The following NECAP1 variants were observed in gnomAD, a reference collection of about 807,000 sequenced individuals.
The protein encoded by NECAP1 is adaptin ear-binding coat-associated protein 1.
Under a neutral mutation model 33.4 loss-of-function variants are expected in NECAP1, and 13 were observed. The observed-to-expected ratio is 0.39, with a 90% CI of 0.25 to 0.62. The LOEUF (loss-of-function observed/expected upper bound fraction) is 0.62. NECAP1 is among the 20% of genes least tolerant of loss of function. NECAP1 has a pLI of 0.52. For missense variants in NECAP1, 272 were observed against 347.4 expected, an observed-to-expected ratio of 0.78 and a Z score of 1.73; for synonymous variants, 109 against 125.2, an observed-to-expected ratio of 0.87 and a Z score of 0.86.
intron 6 of NECAP1, 30 bp downstream of exon 6, chr12:8,093,085 T>C: frequency 6.3e-7 from 1 of 1,597,294 alleles, no homozygotes; most frequent in Non-Finnish European, 8.6e-7. Flanking sequence ...TTTTGAGAAA[T>C]CCAATCTTAT....
At chr12:8,082,783 C>CAG (rs1947453444) in intron 1 of NECAP1, 1 of 75,042 alleles carries the variant, frequency 1.3e-5, no homozygotes, top group Non-Finnish European at 3.1e-5. Flanking sequence ...CTCACACACA[C>CAG]ACACACACAC....
rs1947600356 is a variant in NECAP1 at position 8,096,958 on chromosome 12, G to C, written c.*868G>C. 6.6e-6 allele frequency: 1 copy of C among 152,642 alleles called. No individual in the cohort carries two copies. Among genetic ancestry groups the C allele is most frequent in the African/African-American group, 2.4e-5 (1 of 41,454 alleles). 9.5% of individuals were successfully genotyped at this position (152,642 alleles called of 1,614,324 possible). A position where few individuals can be genotyped will look rare whatever the true frequency, so the allele number is the denominator to read the frequency against. ...TTGCCCTGTTCTTTGACCTAAAGTTGAAGGGTTTAGAGTTTTTAACCTGAT... is the reference window on the plus strand; with the variant it reads ...TTGCCCTGTTCTTTGACCTAAAGTTCAAGGGTTTAGAGTTTTTAACCTGAT... On this transcript the variant is annotated 3_prime_UTR_variant, in exon 8 of 8. Coordinates refer to ENST00000339754, the MANE Select transcript of NECAP1 (RefSeq NM_015509.4).
intron 6 of NECAP1, chr12:8,093,898 TGG>T (rs1486336893): frequency 6.6e-5 from 10 of 152,172 alleles, no homozygotes; most frequent in Admixed American, 6.5e-4. Context: ...CAAGAGCAAT[TGG>T]GAGAAAAGAA....
At chr12:8,095,872 A>AGC in intron 7 of NECAP1, 169 bp downstream of exon 7, 1 of 1,095,316 alleles carries the variant, frequency 9.1e-7, no homozygotes, top group Non-Finnish European at 1.3e-6. Context: ...GGGACAAAAA[A>AGC]GCTGTAGGAT....
At chr12:8,093,147 G>GCA in intron 6 of NECAP1, 92 bp downstream of exon 6, 2 of 1,289,714 alleles carry the variant, frequency 1.6e-6, no homozygotes, top group Non-Finnish European at 2.2e-6. Context: ...TTTTTGCTAT[G>GCA]AAATAGCTCA....
chr12:8,084,141 T>C (rs905878162), intron 1 of NECAP1, among the ~76,000 whole-genome samples: 2 of 152,184 alleles, frequency 1.3e-5, no homozygotes, highest in African/African-American at 2.4e-5. Flanking sequence ...CCTCTCCTTA[T>C]GTCTGTTATT....
At position 8,093,102 on chromosome 12, in the gene NECAP1, A is replaced by G. The variant is rs757702066; in HGVS notation, c.676+47A>G. The stretch of plus-strand genomic sequence containing the variant: ...TTGAGAAATCCAATCTTATGTTTTA[A>G]TTAAGCAACACCTGTTTGTCAAGGA... On this transcript the variant is annotated intron_variant, in intron 6 of 7. Coordinates refer to ENST00000339754, the MANE Select transcript of NECAP1 (RefSeq NM_015509.4). 4 of 1,551,196 alleles carry G rather than the reference A, an allele frequency of 2.6e-6. No homozygotes were observed. In the South Asian group the frequency reaches 3.4e-5, roughly 13 times the overall value.
Position 8,085,080 on chromosome 12 carries a change from C to T in NECAP1, c.95+2697C>T, listed in dbSNP as rs146805970. On this transcript the variant is annotated intron_variant, in intron 1 of 7. Coordinates refer to ENST00000339754, the MANE Select transcript of NECAP1 (RefSeq NM_015509.4). ...TGTTGCCCAGGCTGGAGTGCGCTGG[C>T]GCAATCTCAGCTCGCCACAACCTCC... is the stretch of plus-strand genomic sequence containing the variant. Among the ~76,000 whole-genome samples the T allele has an allele frequency of 7.2e-4, 110 of 151,744 alleles. No individual in the cohort carries two copies. The South Asian group carries it at 8.7e-3, about 12-fold the overall frequency.
chr12:8,095,973 A>G (rs1368296289), intron 7 of NECAP1, 69 bp from the exon 8 acceptor site: 4 of 1,569,414 alleles, frequency 2.5e-6, no homozygotes, highest in Non-Finnish European at 3.5e-6. Flanking sequence ...CTTAGAAACT[A>G]TTAAGTAAAG....
chr12:8,087,046 A>G (rs17728766), intron 1 of NECAP1, among the ~76,000 whole-genome samples: 53,718 of 150,880 alleles, frequency 0.36, 10,739 homozygotes, highest in East Asian at 0.6. Flanking sequence ...CTCTTCCCTT[A>G]GCTAAATCAA....
chr12:8,089,036 C>G (rs1947517525), intron 1 of NECAP1: 1 of 152,114 alleles, frequency 6.6e-6, no homozygotes, highest in Admixed American at 6.6e-5. Flanking sequence ...TTTCTTTTTA[C>G]CTTAGAACTC....
At position 8,096,185 on chromosome 12, in the gene NECAP1, C is replaced by G. The variant is rs2120497086; in HGVS notation, c.*95C>G. 1 of 1,259,884 alleles carries G rather than the reference C, an allele frequency of 7.9e-7. No homozygotes were observed. The highest frequency in any genetic ancestry group is 2.4e-5 in the East Asian group (1 of 41,916). The allele number at this position is 1,259,884 out of a possible 1,614,324, so 78.0% of individuals were successfully genotyped here. ...GGAAGTTAGGAACCCATTTCCTCCC[C>G]AGAACCAGAATGACTGGACAATCTT... is the stretch of plus-strand genomic sequence containing the variant. On this transcript the variant is annotated 3_prime_UTR_variant, in exon 8 of 8. Transcript: ENST00000339754.
intron 1 of NECAP1, 151 bp from the exon 2 acceptor site, chr12:8,089,785 C>T (rs1415441206): frequency 4.6e-6 from 3 of 658,774 alleles, no homozygotes; most frequent in Middle Eastern, 8.4e-4. Context: ...TAACATGAGG[C>T]ATCTAAATAG....
chr12:8,090,133 GT>G, intron 2 of NECAP1, 61 bp from the exon 3 acceptor site: 1 of 1,587,166 alleles, frequency 6.3e-7, no homozygotes, highest in South Asian at 1.1e-5. Context: ...AATACTACTT[GT>G]TAATTGGGGT....
chr12:8,091,789 A>G lies in NECAP1; in HGVS notation c.322A>G (p.Ile108Val), dbSNP rs1242694892. 1.2e-6 allele frequency: 2 copies of G among 1,613,908 alleles called. No homozygotes were observed. The highest frequency in any genetic ancestry group is 1.7e-6 in the Non-Finnish European group (2 of 1,179,994). Residue 108 changes from isoleucine to valine, a missense_variant, in exon 4 of 8, where the codon ATT becomes GTT. By Grantham distance (29) the Ile-to-Val change is conservative. Coordinates refer to ENST00000339754, the MANE Select transcript of NECAP1 (RefSeq NM_015509.4). ...CACAGGGCGCAGTGCTTTCATTGGC[A>G]TTGGCTTCACAGATCGGGGAGATGC... ...DGTGRSAFIG[I>V]GFTDRGDAFD...
chr12:8,084,750 C>A (rs996427435), intron 1 of NECAP1, among the ~76,000 whole-genome samples: 1 of 152,110 alleles, frequency 6.6e-6, no homozygotes, highest in Admixed American at 6.6e-5. Flanking sequence ...ATTGTTTAGT[C>A]TCCTTTTTTC....
At chr12:8,085,843 A>G (rs1031489648) in intron 1 of NECAP1, among the ~76,000 whole-genome samples, 1 of 151,990 alleles carries the variant, frequency 6.6e-6, no homozygotes, top group African/African-American at 2.4e-5. Context: ...AGTTGAGATT[A>G]CAGATGTGCA....
intron 6 of NECAP1, chr12:8,093,361 A>G (rs959179988): frequency 1.5e-5 from 5 of 330,384 alleles, no homozygotes; most frequent in Admixed American, 9.4e-5. Context: ...CTGCTACTTT[A>G]TATTTGAATG....
chr12:8,087,005 A>AT (rs142523582), intron 1 of NECAP1, among the ~76,000 whole-genome samples: 6 of 81,634 alleles, frequency 7.3e-5, no homozygotes, highest in Admixed American at 1.8e-4. Context: ...CTATAAAACT[A>AT]TTTTTTTTTA....
Sources: allele counts gnomAD v4.1 joint callset (sites outside exome capture counted in the v4.1 genomes callset), GRCh38; gene constraint gnomAD v4.1.1; transcripts MANE v1.5; gene names NCBI Gene and HGNC (gene_info 2026-07-23, HGNC 2026-07-21).